Variants in ANO10 observed in about 807,000 individuals in gnomAD.
The protein encoded by ANO10 is anoctamin 10.
Under a neutral mutation model 74.7 loss-of-function variants are expected in ANO10, and 77 were observed. That is an observed-to-expected ratio of 1.03 (90% CI 0.86 to 1.25). The LOEUF (loss-of-function observed/expected upper bound fraction) is 1.25, where lower values mean the gene tolerates loss of function less well. Ranked by LOEUF, ANO10 falls within the 50% of genes most tolerant of loss-of-function variation. The probability of loss-of-function intolerance (pLI) is 0.00; values close to 1 mark genes in which losing one functional copy is unlikely to be tolerated. For missense variants in ANO10, 721 were observed against 778.1 expected (o/e 0.93, Z 0.87); for synonymous variants, 279 against 284.9 (o/e 0.98, Z 0.21).
At chr3:43,611,747 G>T (rs1295378705) in intron 1 of ANO10, among the ~76,000 whole-genome samples, 1 of 152,000 alleles carries the variant, frequency 6.6e-6, no homozygotes, top group Non-Finnish European at 1.5e-5. Context: ...TAAAACTCTG[G>T]AATTAAACTC....
intron 11 of ANO10, among the ~76,000 whole-genome samples, chr3:43,499,830 A>ATT (rs879361849): frequency 4.9e-5 from 7 of 143,992 alleles, no homozygotes; most frequent in Non-Finnish European, 7.7e-5. Flanking sequence ...GTACTACTAG[A>ATT]TTTTTTTTTT....
At chr3:43,683,967 C>T (rs1325320550) in intron 1 of ANO10, among the ~76,000 whole-genome samples, 2 of 152,080 alleles carry the variant, frequency 1.3e-5, no homozygotes, top group African/African-American at 4.8e-5. Context: ...GACCTAAAAC[C>T]ATAAAAACCC....
intron 12 of ANO10, among the ~76,000 whole-genome samples, chr3:43,413,767 T>C (rs763433745): frequency 5.3e-5 from 8 of 151,026 alleles, no homozygotes; most frequent in Non-Finnish European, 7.4e-5. Flanking sequence ...CAGTGACAAA[T>C]TGACTGCACG....
chr3:43,373,482 G>A (rs1032765297), intron 12 of ANO10, among the ~76,000 whole-genome samples: 2 of 152,188 alleles, frequency 1.3e-5, no homozygotes, highest in African/African-American at 4.8e-5. Flanking sequence ...GGGGTGGGTG[G>A]ATGTCAGTTC....
chr3:43,594,951 A>G (rs533426977), intron 4 of ANO10, among the ~76,000 whole-genome samples: 1 of 152,368 alleles, frequency 6.6e-6, no homozygotes, highest in South Asian at 2.1e-4. Context: ...ATCCCACAGA[A>G]ATACAAATTA....
At chr3:43,559,740 T>C (rs991724936) in intron 9 of ANO10, among the ~76,000 whole-genome samples, 1 of 152,094 alleles carries the variant, frequency 6.6e-6, no homozygotes. Flanking sequence ...CCCCCAAGCA[T>C]AGGCAAGGAA....
At chr3:43,623,165 C>A (rs1416350258), upstream of ANO10, among the ~76,000 whole-genome samples, 3 of 152,158 alleles carry the variant, frequency 2.0e-5, no homozygotes. Flanking sequence ...CGCGCCCTGC[C>A]GGCTTTAAGT....
chr3:43,598,532 A>C lies in ANO10; in HGVS notation c.472T>G (p.Leu158Val). 1 of 1,613,074 alleles carries C rather than the reference A, an allele frequency of 6.2e-7. No individual in the cohort carries two copies. The highest frequency in any genetic ancestry group is 1.1e-5 in the South Asian group (1 of 90,960). Residue 158 changes from leucine to valine, a missense_variant and splice_region_variant, in exon 4 of 13, where the codon TTG becomes GTG. By Grantham distance (32) the Leu-to-Val change is conservative. Transcript: ENST00000292246. ...AAGACTGGTTGACATAATGACTTAC[A>C]CAATGATTTTCCTGGATACAACTTT... ...QAKLYPGKSL[L>V]RRLLTSGIVI...
intron 1 of ANO10, among the ~76,000 whole-genome samples, chr3:43,617,462 C>G (rs1292155115): frequency 6.6e-6 from 1 of 152,046 alleles, no homozygotes; most frequent in Non-Finnish European, 1.5e-5. Context: ...AAATTGTGTT[C>G]TTTATCATGT....
At chr3:43,380,465 A>G (rs1461975747) in intron 12 of ANO10, among the ~76,000 whole-genome samples, 1 of 150,438 alleles carries the variant, frequency 6.6e-6, no homozygotes, top group Non-Finnish European at 1.5e-5. Context: ...GGAACCTATC[A>G]GATTAACCTA....
intron 7 of ANO10, among the ~76,000 whole-genome samples, chr3:43,573,093 GTT>G (rs2149390247): frequency 6.6e-6 from 1 of 151,788 alleles, no homozygotes; most frequent in South Asian, 2.1e-4. Context: ...GACAAACAAT[GTT>G]TTTACCTCTG....
At position 43,600,455 on chromosome 3, in the gene ANO10, A is replaced by G; in HGVS notation, c.266T>C (p.Val89Ala). Residue 89 changes from valine to alanine, a missense_variant, in exon 3 of 13, where the codon GTA (valine) becomes GCA (alanine). Physicochemically the swap from Val to Ala is moderately conservative, Grantham distance 64. Transcript: ENST00000292246. ...CATGGTGTTATCATTGCACTCTTTT[A>G]CCAATCCCACTGCTTCTGCCCCTAG... ...MLLGAEAVGL[V>A]KECNDNTMRA... 2 of 1,614,116 alleles carry G rather than the reference A, an allele frequency of 1.2e-6. No individual in the cohort carries two copies. The highest frequency in any genetic ancestry group is 1.6e-4 in the Middle Eastern group (1 of 6,062).
At position 43,439,649 on chromosome 3, in the gene ANO10, G is replaced by C. The variant is rs62250914; in HGVS notation, c.1798-6922C>G. On this transcript the variant is annotated intron_variant, in intron 11 of 12. Transcript: ENST00000292246. ...AATTCCAGCACTTTGAGAGGCCCAG[G>C]TGGGTGAATCATTGAGCCCCAGGAG... 9.2e-3 allele frequency among the ~76,000 whole-genome samples: 1,398 copies of C among 152,164 alleles called. 13 individuals are homozygous for C. Among genetic ancestry groups the C allele is most frequent in the Non-Finnish European group, 0.016 (1,070 of 68,002 alleles).
chr3:43,615,959 T>C (rs2083081373), intron 1 of ANO10, among the ~76,000 whole-genome samples: 1 of 152,140 alleles, frequency 6.6e-6, no homozygotes, highest in Admixed American at 6.5e-5. Flanking sequence ...GGCTACCAAA[T>C]GGCATTTTTT....
At chr3:43,681,134 A>C (rs1407494798) in intron 1 of ANO10, among the ~76,000 whole-genome samples, 7 of 152,192 alleles carry the variant, frequency 4.6e-5, no homozygotes, top group African/African-American at 1.7e-4. Flanking sequence ...ACAGACTGGC[A>C]AACTGGATAA....
At position 43,562,455 on chromosome 3, in the gene ANO10, C is replaced by CAAAAAAAAAAAAAAAAAA. The variant is rs1169816392; in HGVS notation, c.1294-1054_1294-1053insTTTTTTTTTTTTTTTTTT. Among the ~76,000 whole-genome samples the CAAAAAAAAAAAAAAAAAA allele has an allele frequency of 7.0e-4, 49 of 69,914 alleles. 1 individual carries two copies. The highest frequency in any genetic ancestry group is 1.5e-3 in the African/African-American group (22 of 15,136). 45.9% of individuals were successfully genotyped at this position (69,914 alleles called of 152,430 possible). On this transcript the variant is annotated intron_variant, in intron 8 of 12. Coordinates refer to ENST00000292246, the MANE Select transcript of ANO10 (RefSeq NM_018075.5). ...CGGCAGAACGAGGCTCTGTCTCAAA[C>CAAAAAAAAAAAAAAAAAA]AAAAAAAAAAAAAAAAGAAGTTTGA...
At chr3:43,441,177 A>G (rs975416934) in intron 11 of ANO10, among the ~76,000 whole-genome samples, 7 of 151,786 alleles carry the variant, frequency 4.6e-5, no homozygotes, top group South Asian at 2.1e-4. Context: ...GAAAGGAAAT[A>G]ATAAAGATGA....
chr3:43,545,556 G>A (rs1263117059), intron 11 of ANO10, among the ~76,000 whole-genome samples: 4 of 152,016 alleles, frequency 2.6e-5, no homozygotes, highest in Non-Finnish European at 4.4e-5. Context: ...AGTACAGACG[G>A]GGTTTCATCA....
intron 4 of ANO10, among the ~76,000 whole-genome samples, chr3:43,591,205 C>T (rs962313116): frequency 7.9e-5 from 12 of 152,282 alleles, no homozygotes; most frequent in Admixed American, 2.0e-4. Context: ...CACTGCTGTT[C>T]GCCGCAGTTG....
Sources: gnomAD v4.1 joint callset for allele counts (sites outside exome capture counted in the v4.1 genomes callset) on GRCh38, gnomAD v4.1.1 for gene constraint, MANE v1.5 for transcripts, NCBI Gene and HGNC (gene_info 2026-07-23, HGNC 2026-07-21) for gene names.